Variants in MYT1L observed in about 807,000 individuals in gnomAD.
The protein encoded by MYT1L is myelin transcription factor 1 like, also known as myelin transcription factor 1-like protein.
MYT1L carries 12 observed loss-of-function variants against 126.7 expected under a neutral mutation model. That is an observed-to-expected ratio of 0.09 (90% CI 0.06 to 0.15). The LOEUF (loss-of-function observed/expected upper bound fraction) is 0.15. Ranked by LOEUF, MYT1L falls within the 10% of genes least tolerant of loss-of-function variation. MYT1L has a pLI of 1.00. For missense variants in MYT1L, 979 were observed against 1,585.2 expected (o/e 0.62, Z 6.49); for synonymous variants, 541 against 604.2 (o/e 0.90, Z 1.53).
At chr2:2,052,535 T>C (rs1291204141) in intron 4 of MYT1L, among the ~76,000 whole-genome samples, 1 of 152,216 alleles carries the variant, frequency 6.6e-6, no homozygotes, top group Non-Finnish European at 1.5e-5. Context: ...TTGCAAATCA[T>C]ATATATGATA....
intron 21 of MYT1L, among the ~76,000 whole-genome samples, chr2:1,837,277 G>A (rs1474218574): frequency 6.6e-6 from 1 of 152,234 alleles, no homozygotes; most frequent in Non-Finnish European, 1.5e-5. Flanking sequence ...GCTCCGCAGA[G>A]GCAGCTCTGA....
chr2:2,047,441 C>T (rs989039329), intron 4 of MYT1L, among the ~76,000 whole-genome samples: 1 of 152,146 alleles, frequency 6.6e-6, no homozygotes, highest in South Asian at 2.1e-4. Flanking sequence ...AAAGTGTACC[C>T]CCAGTGGCCA....
At chr2:2,004,312 T>G (rs1032372777) in intron 4 of MYT1L, among the ~76,000 whole-genome samples, 22 of 142,890 alleles carry the variant, frequency 1.5e-4, no homozygotes, top group African/African-American at 5.9e-4. Flanking sequence ...CATGCGTTCT[T>G]TCCTGCAGGC....
intron 2 of MYT1L, among the ~76,000 whole-genome samples, chr2:2,243,169 AG>A (rs2094470693): frequency 6.6e-6 from 1 of 152,198 alleles, no homozygotes; most frequent in Non-Finnish European, 1.5e-5. Context: ...GAAGTGTTGA[AG>A]TTGAGGAATT....
At chr2:2,212,023 G>A (rs1438683022) in intron 2 of MYT1L, among the ~76,000 whole-genome samples, 1 of 152,060 alleles carries the variant, frequency 6.6e-6, no homozygotes, top group Non-Finnish European at 1.5e-5. Context: ...AAGAGTCAGG[G>A]TTCCAATGTC....
chr2:2,085,673 G>C (rs1575069117), intron 3 of MYT1L, among the ~76,000 whole-genome samples: 1 of 152,202 alleles, frequency 6.6e-6, no homozygotes, highest in Non-Finnish European at 1.5e-5. Context: ...TCATTGCCTG[G>C]AACATAATGA....
chr2:1,830,098 G>A (rs544574525), intron 21 of MYT1L, among the ~76,000 whole-genome samples: 9 of 152,232 alleles, frequency 5.9e-5, no homozygotes, highest in East Asian at 5.8e-4. Context: ...ACTTAGTATC[G>A]GGTAGAAAGA....
At chr2:1,824,609 G>A (rs140071534) in intron 21 of MYT1L, 6,163 of 152,400 alleles carry the variant, frequency 0.04, 189 homozygotes, top group South Asian at 0.11. Flanking sequence ...CCGGGACGCC[G>A]CCCTCTGCGG....
At chr2:2,330,042 G>A (rs370855231) in intron 1 of MYT1L, among the ~76,000 whole-genome samples, 1 of 151,298 alleles carries the variant, frequency 6.6e-6, no homozygotes, top group Admixed American at 6.6e-5. Flanking sequence ...TTATCTGTAT[G>A]GGAGACATGA....
chr2:2,143,954 A>G (rs1370114604), intron 3 of MYT1L, among the ~76,000 whole-genome samples: 1 of 142,336 alleles, frequency 7.0e-6, no homozygotes, highest in Non-Finnish European at 1.5e-5. Context: ...GACGCTGGGG[A>G]CTATTAGAGG....
chr2:1,953,325 C>T (rs2058051819), intron 8 of MYT1L, among the ~76,000 whole-genome samples: 1 of 152,118 alleles, frequency 6.6e-6, no homozygotes, highest in Admixed American at 6.5e-5. Flanking sequence ...TGTGAGATTC[C>T]ACTGCGTGTC....
chr2:1,850,649 G>A (rs1239731743), intron 19 of MYT1L, among the ~76,000 whole-genome samples: 3 of 152,148 alleles, frequency 2.0e-5, no homozygotes, highest in Non-Finnish European at 4.4e-5. Flanking sequence ...GTGCTTGTAG[G>A]ATCCAGTTTG....
At position 1,943,394 on chromosome 2, in the gene MYT1L, CTT is replaced by C; in HGVS notation, c.153-62_153-61del. On this transcript the variant is annotated intron_variant, in intron 8 of 24. Transcript: ENST00000647738. This position sits in a 1 kb window ranked among gnomAD's most constrained non-coding sequence, Gnocchi z 4.4. ...AGAAAAAAAATATCTGTGTTACTGT[CTT>C]TTAAAATCAGACCAATGGGGGCCTT... 6.9e-7 allele frequency: 1 copy of C among 1,459,024 alleles called. No homozygotes were observed. The highest frequency in any genetic ancestry group is 1.5e-5 in the South Asian group (1 of 67,402). 90.4% of individuals were successfully genotyped at this position (1,459,024 alleles called of 1,614,324 possible).
intron 1 of MYT1L, among the ~76,000 whole-genome samples, chr2:2,296,839 C>T (rs1390765782): frequency 2.0e-5 from 3 of 152,194 alleles, no homozygotes; most frequent in Admixed American, 6.5e-5. Flanking sequence ...CAGGTCATCA[C>T]CAGGCCTCAC....
intron 2 of MYT1L, among the ~76,000 whole-genome samples, chr2:2,199,396 A>G (rs774429454): frequency 2.6e-5 from 4 of 152,192 alleles, no homozygotes; most frequent in Non-Finnish European, 4.4e-5. Context: ...CTTCCCTGCC[A>G]TAAGGGATGG....
rs2032598315 is a variant in MYT1L, at chr2:1,793,245, T to C, written c.3277-781A>G. ...TTCCTCGCATATTCCAGAGATAATT[T>C]AAGTATCACCAAGGTCAAGGGGCTT... On this transcript the variant is annotated intron_variant, in intron 23 of 24. Coordinates refer to ENST00000647738, the MANE Select transcript of MYT1L (RefSeq NM_001303052.2). This position sits in a 1 kb window ranked among gnomAD's most constrained non-coding sequence, Gnocchi z 4.6. Among the ~76,000 whole-genome samples the C allele has an allele frequency of 6.6e-6, 1 of 152,196 alleles. No homozygotes were observed. The highest frequency in any genetic ancestry group is 2.4e-5 in the African/African-American group (1 of 41,444).
chr2:2,215,622 AC>A (rs2093654059), intron 2 of MYT1L, among the ~76,000 whole-genome samples: 1 of 152,238 alleles, frequency 6.6e-6, no homozygotes, highest in South Asian at 2.1e-4. Context: ...AATTGATAGA[AC>A]AAGTAGACAG....
intron 23 of MYT1L, among the ~76,000 whole-genome samples, chr2:1,798,892 C>T (rs1187028879): frequency 1.3e-5 from 2 of 152,186 alleles, no homozygotes; most frequent in African/African-American, 4.8e-5. Context: ...TGGCTGTGGG[C>T]GCACATTGTT....
At chr2:2,213,608 G>A (rs2148922627) in intron 2 of MYT1L, among the ~76,000 whole-genome samples, 1 of 152,320 alleles carries the variant, frequency 6.6e-6, no homozygotes, top group African/African-American at 2.4e-5. Flanking sequence ...CTTCAGCAGA[G>A]CACTCAGAAG....
Sources: allele counts gnomAD v4.1 joint callset (sites outside exome capture counted in the v4.1 genomes callset), GRCh38; gene constraint gnomAD v4.1.1; non-coding constraint Gnocchi (gnomAD v3.1); transcripts MANE v1.5; gene names NCBI Gene and HGNC (gene_info 2026-07-23, HGNC 2026-07-21).